SPATS2: variants seen among roughly 807,000 people sequenced by gnomAD.
SPATS2 encodes spermatogenesis associated serine rich 2.
SPATS2 carries 38 observed loss-of-function variants against 63.7 expected under a neutral mutation model. The ratio of observed to expected loss-of-function variants is 0.60; its 90% CI spans 0.46 to 0.78. The LOEUF (loss-of-function observed/expected upper bound fraction) is 0.78, where lower values mean the gene tolerates loss of function less well. SPATS2 is among the 30% of genes least tolerant of loss of function. The pLI, the probability that SPATS2 is intolerant of heterozygous loss-of-function variation, is 0.00. For missense variants in SPATS2, 588 were observed against 666.2 expected, an observed-to-expected ratio of 0.88 and a Z score of 1.29; for synonymous variants, 207 against 232.9, an observed-to-expected ratio of 0.89 and a Z score of 1.01.
intron 3 of SPATS2, among the ~76,000 whole-genome samples, chr12:49,480,475 CT>C (rs199966700): frequency 0.016 from 2,434 of 151,396 alleles, 19 homozygotes; most frequent in Middle Eastern, 0.02. Context: ...GATGATTATT[CT>C]TTTTTTTTAA....
intron 2 of SPATS2, among the ~76,000 whole-genome samples, chr12:49,430,385 AC>A (rs1484509604): frequency 1.3e-5 from 2 of 152,060 alleles, no homozygotes; most frequent in South Asian, 4.1e-4. Context: ...TACAGGCGTG[AC>A]CCACCATGCC....
chr12:49,445,759 G>A (rs1328632389), intron 2 of SPATS2, among the ~76,000 whole-genome samples: 2 of 152,106 alleles, frequency 1.3e-5, no homozygotes, highest in African/African-American at 4.8e-5. Flanking sequence ...GAGCTCAAGT[G>A]ATCTGCCTGC....
intron 3 of SPATS2, among the ~76,000 whole-genome samples, chr12:49,481,680 C>G (rs1946209146): frequency 6.6e-6 from 1 of 151,808 alleles, no homozygotes; most frequent in Non-Finnish European, 1.5e-5. Flanking sequence ...GTTTGCTGAT[C>G]TCGAACTCCT....
chr12:49,382,292 T>A (rs1004332684), intron 2 of SPATS2, among the ~76,000 whole-genome samples: 1 of 152,238 alleles, frequency 6.6e-6, no homozygotes, highest in Non-Finnish European at 1.5e-5. Flanking sequence ...CACTTAAAAA[T>A]TTTTAAAGCA....
At chr12:49,404,187 AG>A (rs1258574406) in intron 2 of SPATS2, among the ~76,000 whole-genome samples, 2 of 152,094 alleles carry the variant, frequency 1.3e-5, no homozygotes, top group Non-Finnish European at 2.9e-5. Context: ...AGAAATTGTC[AG>A]GGTCCTTTGG....
intron 3 of SPATS2, among the ~76,000 whole-genome samples, chr12:49,482,442 A>G (rs967344691): frequency 6.6e-6 from 1 of 152,152 alleles, no homozygotes; most frequent in Admixed American, 6.6e-5. Context: ...AGATGAAACA[A>G]AAATAAAAGG....
intron 4 of SPATS2, among the ~76,000 whole-genome samples, chr12:49,487,001 T>C (rs886217321): frequency 2.4e-4 from 37 of 152,298 alleles, no homozygotes; most frequent in African/African-American, 8.9e-4. Flanking sequence ...CTTAACCAAA[T>C]TTTTAGTTCC....
intron 2 of SPATS2, among the ~76,000 whole-genome samples, chr12:49,416,643 C>T (rs1292658553): frequency 6.6e-6 from 1 of 151,992 alleles, no homozygotes; most frequent in Non-Finnish European, 1.5e-5. Flanking sequence ...TGACCACGCC[C>T]GACTAATTTT....
At chr12:49,450,861 G>T (rs548118473) in intron 2 of SPATS2, among the ~76,000 whole-genome samples, 119 of 149,446 alleles carry the variant, frequency 8.0e-4, no homozygotes, top group African/African-American at 2.7e-3. Context: ...GTTTTGTTTT[G>T]TTTTGTTTTT....
intron 9 of SPATS2, among the ~76,000 whole-genome samples, chr12:49,505,367 T>A (rs1946639707): frequency 1.3e-5 from 2 of 152,212 alleles, no homozygotes; most frequent in African/African-American, 2.4e-5. Context: ...GATATTTTTT[T>A]ATTTAAAATT....
intron 12 of SPATS2, among the ~76,000 whole-genome samples, chr12:49,523,751 A>ACCAT (rs1946982200): frequency 6.6e-6 from 1 of 152,036 alleles, no homozygotes; most frequent in Non-Finnish European, 1.5e-5. Flanking sequence ...GGAGATTGAG[A>ACCAT]CCATCCTGGC....
intron 1 of SPATS2, among the ~76,000 whole-genome samples, chr12:49,368,608 T>C (rs1943944701): frequency 6.6e-6 from 1 of 152,268 alleles, no homozygotes; most frequent in African/African-American, 2.4e-5. Context: ...GTTGGGGTTC[T>C]GCCTTAAATT....
At chr12:49,467,062 T>G (rs1342328325) in intron 3 of SPATS2, among the ~76,000 whole-genome samples, 2 of 139,904 alleles carry the variant, frequency 1.4e-5, no homozygotes, top group Non-Finnish European at 3.1e-5. Context: ...TTTTTTTTTT[T>G]TTTTTTTTGA....
At chr12:49,388,793 C>T (rs111744913) in intron 2 of SPATS2, among the ~76,000 whole-genome samples, 13,932 of 151,518 alleles carry the variant, frequency 0.092, 748 homozygotes, top group African/African-American at 0.14. Context: ...CTCCCAGGCT[C>T]AAGTGATCCT....
At chr12:49,494,452 TA>T (rs1408893389) in intron 6 of SPATS2, among the ~76,000 whole-genome samples, 1 of 152,224 alleles carries the variant, frequency 6.6e-6, no homozygotes, top group Non-Finnish European at 1.5e-5. Context: ...AAGCTGCACA[TA>T]TTTTTTTCAC....
chr12:49,415,288 A>C (rs534597287), intron 2 of SPATS2, among the ~76,000 whole-genome samples: 1 of 150,422 alleles, frequency 6.6e-6, no homozygotes, highest in Non-Finnish European at 1.5e-5. Context: ...CAGGTGATCC[A>C]CCCACCTCGG....
At chr12:49,388,281 A>G (rs1944355391) in intron 2 of SPATS2, among the ~76,000 whole-genome samples, 1 of 151,988 alleles carries the variant, frequency 6.6e-6, no homozygotes, top group African/African-American at 2.4e-5. Flanking sequence ...GATAAATGTA[A>G]TCTTTTCATA....
Position 49,526,029 on chromosome 12 carries a change from A to G in SPATS2, c.1412A>G (p.Asp471Gly), listed in dbSNP as rs767444674. ...SNDPMNQGRH[D>G]SMGRYRNSSW... Reference sequence around the variant, plus strand: ...GACCCCATGAACCAAGGGCGGCATGACAGTATGGGTCGTTACAGAAACAGC... The same window carrying G: ...GACCCCATGAACCAAGGGCGGCATGGCAGTATGGGTCGTTACAGAAACAGC... The change falls in exon 14 of 14, where the codon GAC becomes GGC. Residue 471 changes from aspartate to glycine, a missense_variant. By Grantham distance (94) the Asp-to-Gly change is moderately conservative (BLOSUM62 -1). Coordinates refer to ENST00000552918, the MANE Select transcript of SPATS2 (RefSeq NM_023071.4). 28 of 1,614,252 alleles carry G rather than the reference A, an allele frequency of 1.7e-5. No homozygotes were observed. In the South Asian group the frequency reaches 3.1e-4, roughly 18 times the overall value.
chr12:49,414,473 G>A (rs1944850924), intron 2 of SPATS2, among the ~76,000 whole-genome samples: 1 of 152,014 alleles, frequency 6.6e-6, no homozygotes, highest in Non-Finnish European at 1.5e-5. Flanking sequence ...ACTGTATATG[G>A]CCCTCAGCCT....
Sources: gnomAD v4.1 joint callset for allele counts (sites outside exome capture counted in the v4.1 genomes callset) on GRCh38, gnomAD v4.1.1 for gene constraint, MANE v1.5 for transcripts, NCBI Gene and HGNC (gene_info 2026-07-23, HGNC 2026-07-21) for gene names.